INTS7: variants seen among roughly 807,000 people sequenced by gnomAD.
INTS7 encodes the protein integrator complex subunit 7.
In INTS7, 46 loss-of-function variants were observed where a neutral mutation model predicts 109.2. The ratio of observed to expected loss-of-function variants is 0.42; its 90% CI spans 0.33 to 0.54. The LOEUF (loss-of-function observed/expected upper bound fraction) is 0.54, where lower values mean the gene tolerates loss of function less well. Among genes scored for constraint, INTS7 ranks in the 20% least tolerant of loss-of-function variants. INTS7 has a pLI of 0.07. For missense variants in INTS7, 929 were observed against 1,132.4 expected, an observed-to-expected ratio of 0.82 and a Z score of 2.58; for synonymous variants, 412 against 402.9, an observed-to-expected ratio of 1.02 and a Z score of -0.27.
At chr1:211,950,365 G>A (rs1663032661) in intron 17 of INTS7, among the ~76,000 whole-genome samples, 2 of 152,034 alleles carry the variant, frequency 1.3e-5, no homozygotes, top group African/African-American at 4.8e-5. Context: ...TCCGCCTCCC[G>A]GGTTCAAGTA....
chr1:211,993,629 G>C (rs1156576833), intron 7 of INTS7, among the ~76,000 whole-genome samples: 1 of 146,824 alleles, frequency 6.8e-6, no homozygotes, highest in Non-Finnish European at 1.5e-5. Context: ...GCAGTGAGCT[G>C]AGACGGCATC....
intron 16 of INTS7, among the ~76,000 whole-genome samples, chr1:211,958,378 T>A (rs60848591): frequency 0.062 from 9,449 of 152,260 alleles, 447 homozygotes; most frequent in African/African-American, 0.13. Flanking sequence ...TCAGTAGATA[T>A]TCTGATCTTT....
intron 1 of INTS7, among the ~76,000 whole-genome samples, chr1:212,031,325 A>G (rs949776703): frequency 4.6e-5 from 7 of 152,388 alleles, no homozygotes; most frequent in South Asian, 2.1e-4. Context: ...AAGAAATTAT[A>G]TTAGTGAAAA....
At chr1:211,954,575 A>C (rs1663274454) in intron 16 of INTS7, among the ~76,000 whole-genome samples, 1 of 152,194 alleles carries the variant, frequency 6.6e-6, no homozygotes, top group Admixed American at 6.6e-5. Flanking sequence ...ATTTTTGTAT[A>C]AGGTGTAAGG....
intron 5 of INTS7, 32 bp from the exon 6 acceptor site, chr1:212,007,481 TG>T: frequency 6.6e-7 from 1 of 1,519,394 alleles, no homozygotes; most frequent in South Asian, 1.1e-5. Context: ...AAGGTATTTG[TG>T]ATCACCATCC....
chr1:211,999,556 C>T (rs1665570016), intron 7 of INTS7, among the ~76,000 whole-genome samples: 1 of 152,094 alleles, frequency 6.6e-6, no homozygotes, highest in African/African-American at 2.4e-5. Context: ...AAAAACTCAT[C>T]CAACTGCAAA....
intron 16 of INTS7, among the ~76,000 whole-genome samples, chr1:211,963,179 T>C (rs984965663): frequency 5.3e-5 from 8 of 152,012 alleles, no homozygotes; most frequent in Non-Finnish European, 2.9e-5. Context: ...ACAAAGAAGA[T>C]ATTATCACTG....
chr1:211,962,575 A>G (rs1358793978), intron 16 of INTS7, among the ~76,000 whole-genome samples: 1 of 152,178 alleles, frequency 6.6e-6, no homozygotes, highest in African/African-American at 2.4e-5. Flanking sequence ...CAGAATATAC[A>G]TTGTTCTCAT....
intron 13 of INTS7, among the ~76,000 whole-genome samples, chr1:211,971,231 A>C (rs1664151153): frequency 6.6e-6 from 1 of 152,158 alleles, no homozygotes; most frequent in South Asian, 2.1e-4. Flanking sequence ...TAGCCAAAAA[A>C]CGCTCCAGAT....
chr1:211,990,236 T>C (rs1437436943), intron 7 of INTS7, among the ~76,000 whole-genome samples: 1 of 151,504 alleles, frequency 6.6e-6, no homozygotes, highest in Non-Finnish European at 1.5e-5. Context: ...ACAACCCTAA[T>C]GTCCATCAGT....
At chr1:212,033,916 A>C (rs1293762658) in intron 1 of INTS7, among the ~76,000 whole-genome samples, 1 of 151,788 alleles carries the variant, frequency 6.6e-6, no homozygotes, top group Non-Finnish European at 1.5e-5. Flanking sequence ...AACCCCGTCT[A>C]TACTAAAAAT....
chr1:212,032,827 A>G (rs1434432044), intron 1 of INTS7, among the ~76,000 whole-genome samples: 1 of 152,150 alleles, frequency 6.6e-6, no homozygotes, highest in African/African-American at 2.4e-5. Context: ...TGCTCCAGAT[A>G]ACTGCATGCA....
chr1:212,019,972 G>T, intron 3 of INTS7, 150 bp downstream of exon 3: 1 of 514,718 alleles, frequency 1.9e-6, no homozygotes. Context: ...TGCAGACTGG[G>T]ATAGTTATCA....
chr1:212,006,970 G>A (rs961441876), intron 6 of INTS7, among the ~76,000 whole-genome samples: 7 of 151,612 alleles, frequency 4.6e-5, no homozygotes, highest in African/African-American at 1.7e-4. Context: ...ACAGGCCCTG[G>A]CATTTTACAG....
Position 211,975,380 on chromosome 1 carries a change from CA to C in INTS7, c.1609-9del. On this transcript the variant is annotated splice_polypyrimidine_tract_variant and intron_variant, in intron 12 of 19. Transcript: ENST00000366994. ...GGCCATGTCATGATTACCCTAAAAA[CA>C]AAAAAAGAAAAGAAAAAAGAATAGA... The C allele has an allele frequency of 3.1e-6, 5 of 1,604,710 alleles. No homozygotes were observed. The highest frequency in any genetic ancestry group is 4.3e-6 in the Non-Finnish European group (5 of 1,174,784).
intron 1 of INTS7, among the ~76,000 whole-genome samples, chr1:212,026,817 GA>G (rs1666943816): frequency 6.6e-6 from 1 of 152,120 alleles, no homozygotes; most frequent in Admixed American, 6.6e-5. Context: ...CCTTGGCTGA[GA>G]TGAAAAAGGC....
chr1:211,959,704 C>A lies in INTS7; in HGVS notation c.2183+6726G>T, dbSNP rs916614821. Among the ~76,000 whole-genome samples the A allele has an allele frequency of 6.6e-6, 1 of 152,162 alleles. No individual in the cohort carries two copies. Among genetic ancestry groups the A allele is most frequent in the African/African-American group, 2.4e-5 (1 of 41,434 alleles). ...TGTCAACATTGCCCTGGGAGTGAAA[C>A]CAGGCGTGAACAACAATGGACCTTC... On this transcript the variant is annotated intron_variant, in intron 16 of 19. Coordinates refer to ENST00000366994, the MANE Select transcript of INTS7 (RefSeq NM_015434.4). This position sits in a 1 kb window ranked among gnomAD's most constrained non-coding sequence, Gnocchi z 4.2.
intron 7 of INTS7, among the ~76,000 whole-genome samples, chr1:211,994,003 G>GA (rs1360952146): frequency 6.6e-6 from 1 of 152,042 alleles, no homozygotes; most frequent in Non-Finnish European, 1.5e-5. Context: ...AGTAGCAATG[G>GA]AAATGGACAC....
chr1:211,951,406 C>T (rs1262843273), intron 17 of INTS7, among the ~76,000 whole-genome samples: 2 of 152,140 alleles, frequency 1.3e-5, no homozygotes, highest in Non-Finnish European at 2.9e-5. Flanking sequence ...CCACCCGGTT[C>T]AAGCGATTCT....
Sources: gnomAD v4.1 joint callset for allele counts (sites outside exome capture counted in the v4.1 genomes callset) on GRCh38, gnomAD v4.1.1 for gene constraint, Gnocchi (gnomAD v3.1) non-coding constraint, MANE v1.5 for transcripts, NCBI Gene and HGNC (gene_info 2026-07-23, HGNC 2026-07-21) for gene names.